The following NAALADL2 variants were observed in gnomAD, a reference collection of about 807,000 sequenced individuals.
NAALADL2 encodes the protein inactive N-acetylated-alpha-linked acidic dipeptidase-like protein 2.
Under a neutral mutation model 87.2 loss-of-function variants are expected in NAALADL2, and 76 were observed. The observed-to-expected ratio is 0.87, with a 90% CI of 0.72 to 1.05. NAALADL2 has a LOEUF of 1.05. Among genes scored for constraint, NAALADL2 ranks in the 50% least tolerant of loss-of-function variants. The pLI, the probability that NAALADL2 is intolerant of heterozygous loss-of-function variation, is 0.00. For missense variants in NAALADL2, 1,089 were observed against 945.8 expected, an observed-to-expected ratio of 1.15 and a Z score of -1.99; for synonymous variants, 354 against 331.0, an observed-to-expected ratio of 1.07 and a Z score of -0.75.
intron 4 of NAALADL2, among the ~76,000 whole-genome samples, chr3:175,296,982 C>T (rs1365181603): frequency 1.3e-5 from 2 of 152,074 alleles, no homozygotes; most frequent in Non-Finnish European, 2.9e-5. Flanking sequence ...ACAGAAGAGG[C>T]CACAGAGGGG....
intron 3 of NAALADL2, among the ~76,000 whole-genome samples, chr3:175,253,180 TC>T (rs897763576): frequency 8.5e-5 from 13 of 152,194 alleles, no homozygotes; most frequent in African/African-American, 2.9e-4. Context: ...AGGCCAGGCT[TC>T]CAAGCTCCAA....
chr3:174,637,582 G>A (rs964275239), intron 2 of NAALADL2, among the ~76,000 whole-genome samples: 1 of 148,582 alleles, frequency 6.7e-6, no homozygotes, highest in Non-Finnish European at 1.5e-5. Flanking sequence ...AATGTTCACT[G>A]AAGAATATTT....
intron 11 of NAALADL2, among the ~76,000 whole-genome samples, chr3:175,732,398 T>C (rs780652687): frequency 1.3e-5 from 2 of 152,200 alleles, no homozygotes; most frequent in Non-Finnish European, 1.5e-5. Context: ...TTATTAGGCA[T>C]AATAAATGGA....
chr3:175,508,843 C>T (rs925952394), intron 9 of NAALADL2, among the ~76,000 whole-genome samples: 4 of 151,976 alleles, frequency 2.6e-5, no homozygotes, highest in African/African-American at 4.8e-5. Flanking sequence ...GGACTATGCG[C>T]GATGGCTCAT....
intron 5 of NAALADL2, among the ~76,000 whole-genome samples, chr3:175,422,630 T>A (rs1194718585): frequency 6.6e-6 from 1 of 151,716 alleles, no homozygotes; most frequent in East Asian, 1.9e-4. Flanking sequence ...CAGAACGTGA[T>A]GTGCATCACA....
intron 2 of NAALADL2, among the ~76,000 whole-genome samples, chr3:175,194,574 C>T (rs1738700366): frequency 6.6e-6 from 1 of 151,686 alleles, no homozygotes; most frequent in South Asian, 2.1e-4. Context: ...TATATGAAAA[C>T]ATATTTGCCT....
At chr3:174,694,026 TTTC>T (rs1728812119) in intron 2 of NAALADL2, among the ~76,000 whole-genome samples, 1 of 152,186 alleles carries the variant, frequency 6.6e-6, no homozygotes, top group Non-Finnish European at 1.5e-5. Flanking sequence ...TACTAGTGTC[TTTC>T]TTTCCACAAG....
chr3:175,496,778 T>G (rs1175989938), intron 9 of NAALADL2, among the ~76,000 whole-genome samples: 1 of 152,056 alleles, frequency 6.6e-6, no homozygotes, highest in African/African-American at 2.4e-5. Flanking sequence ...CAGGCTGGTC[T>G]TGAACTCTTG....
intron 1 of NAALADL2, among the ~76,000 whole-genome samples, chr3:174,535,312 T>C (rs971487897): frequency 9.2e-5 from 14 of 152,190 alleles, no homozygotes; most frequent in Non-Finnish European, 1.5e-5. Context: ...ACCTGAGTTC[T>C]AGTTTTATGT....
chr3:175,094,125 T>TA (rs57997951), intron 1 of NAALADL2, among the ~76,000 whole-genome samples: 37 of 150,990 alleles, frequency 2.5e-4, no homozygotes, highest in South Asian at 4.2e-4. Flanking sequence ...CAATGTTTTT[T>TA]AAAAAAAAAC....
chr3:175,373,172 GTAACT>G (rs1294723053), intron 5 of NAALADL2, among the ~76,000 whole-genome samples: 1 of 152,032 alleles, frequency 6.6e-6, no homozygotes, highest in Non-Finnish European at 1.5e-5. Flanking sequence ...ATATTGAGAA[GTAACT>G]TAAATATAAA....
intron 2 of NAALADL2, among the ~76,000 whole-genome samples, chr3:174,580,583 G>A (rs9290505): frequency 0.49 from 74,097 of 151,700 alleles, 20,014 homozygotes; most frequent in East Asian, 0.82. Flanking sequence ...TTTCCAGGCA[G>A]CCATTAATCT....
At position 175,051,538 on chromosome 3, in the gene NAALADL2, C is replaced by T. The variant is rs1240444121; in HGVS notation, c.44-45252C>T. On this transcript the variant is annotated intron_variant, in intron 1 of 13. Coordinates refer to ENST00000454872, the MANE Select transcript of NAALADL2 (RefSeq NM_207015.3). ...CCCTGTTCCATAGCTTCTGCACTGG[C>T]AGTCAGTATCATAGCAACTTTCTTC... is the stretch of plus-strand genomic sequence containing the variant. Among the ~76,000 whole-genome samples the T allele has an allele frequency of 2.0e-5, 3 of 152,182 alleles. No individual in the cohort carries two copies. In the South Asian group the frequency reaches 6.2e-4, roughly 32 times the overall value.
chr3:174,822,565 G>A (rs983277282), intron 3 of NAALADL2, among the ~76,000 whole-genome samples: 7 of 152,148 alleles, frequency 4.6e-5, no homozygotes, highest in African/African-American at 1.7e-4. Flanking sequence ...TTGGGAACAA[G>A]GGAGAAGGCT....
At chr3:174,473,349 G>A (rs909175394) in intron 1 of NAALADL2, among the ~76,000 whole-genome samples, 13 of 152,084 alleles carry the variant, frequency 8.5e-5, no homozygotes, top group African/African-American at 3.1e-4. Flanking sequence ...ACCCTACAAA[G>A]GATCGTGTAT....
chr3:174,929,991 TTCCCCTGTTCTA>T (rs1025097916), intron 1 of NAALADL2, among the ~76,000 whole-genome samples: 6 of 152,320 alleles, frequency 3.9e-5, no homozygotes, highest in Admixed American at 2.6e-4. Context: ...TAACTTTTAT[TTCCCCTGTTCTA>T]TCTTTACTCC....
intron 5 of NAALADL2, among the ~76,000 whole-genome samples, chr3:175,381,306 A>T (rs1003851522): frequency 6.6e-6 from 1 of 151,594 alleles, no homozygotes; most frequent in Non-Finnish European, 1.5e-5. Context: ...TTTAAACTTT[A>T]GTTGTAGAGG....
intron 3 of NAALADL2, among the ~76,000 whole-genome samples, chr3:174,770,205 TAAAAC>T (rs1714364882): frequency 6.6e-6 from 1 of 152,132 alleles, no homozygotes; most frequent in East Asian, 1.9e-4. Flanking sequence ...GACTGTGAGT[TAAAAC>T]AAAGGGAATA....
intron 3 of NAALADL2, among the ~76,000 whole-genome samples, chr3:175,247,572 G>T (rs944909046): frequency 1.8e-5 from 1 of 54,312 alleles, no homozygotes; most frequent in Non-Finnish European, 4.2e-5. Flanking sequence ...TACAACTCCA[G>T]CTAGTCGCTG....
Sources: allele counts gnomAD v4.1 joint callset (sites outside exome capture counted in the v4.1 genomes callset), GRCh38; gene constraint gnomAD v4.1.1; transcripts MANE v1.5; gene names NCBI Gene and HGNC (gene_info 2026-07-23, HGNC 2026-07-21).